The following NANOS1 variants were observed in gnomAD, a reference collection of about 807,000 sequenced individuals.
NANOS1 encodes the protein nanos homolog 1.
Under a neutral mutation model 1.1 loss-of-function variants are expected in NANOS1, and 1 was observed. The observed-to-expected ratio is 0.88, with a 90% CI of 0.31 to 4.20. The LOEUF (loss-of-function observed/expected upper bound fraction) is 4.20, where lower values mean the gene tolerates loss of function less well. Ranked by LOEUF, NANOS1 falls within the 30% of genes most tolerant of loss-of-function variation. The pLI is 0.17. For synonymous variants in NANOS1, 252 were observed against 230.6 expected, an observed-to-expected ratio of 1.09 and a Z score of -0.84; for missense variants, 537 against 457.9, an observed-to-expected ratio of 1.17 and a Z score of -1.58.
At position 119,031,567 on chromosome 10, in the gene NANOS1, C is replaced by T. The variant is rs1848050129; in HGVS notation, c.*887C>T. On this transcript the variant is annotated 3_prime_UTR_variant, in exon 1 of 1. Coordinates refer to ENST00000425699, the MANE Select transcript of NANOS1 (RefSeq NM_199461.4). ...CTTGGCATTTTCTCTACACACTCAC[C>T]CTCTTCCAGTTCTTTAAAAACGTTT... is the stretch of plus-strand genomic sequence containing the variant. The T allele has an allele frequency of 6.0e-6, 1 of 166,930 alleles. No homozygotes were observed. Among genetic ancestry groups the T allele is most frequent in the Non-Finnish European group, 1.5e-5 (1 of 68,122 alleles). The allele number at this position is 166,930 out of a possible 1,614,324, so 10.3% of individuals were successfully genotyped here.
chr10:119,030,655 GC>G lies in NANOS1; in HGVS notation c.857del (p.Pro286ArgfsTer65). 1 of 1,390,046 alleles carries G rather than the reference GC, an allele frequency of 7.2e-7. No homozygotes were observed. The highest frequency in any genetic ancestry group is 1.8e-5 in the South Asian group (1 of 56,350). 86.1% of individuals were successfully genotyped at this position (1,390,046 alleles called of 1,614,324 possible). A position where few individuals can be genotyped will look rare whatever the true frequency, so the allele number is the denominator to read the frequency against. On this transcript the variant is annotated frameshift_variant, in exon 1 of 1. Transcript: ENST00000425699. LOFTEE classifies it high-confidence loss of function. The surrounding 1 kb of genome is among the most constrained non-coding windows in gnomAD (Gnocchi z 5.3). The stretch of plus-strand genomic sequence containing the variant: ...CCGCCGCCCCGCAGCGCCAGGGACG[GC>G]CCGCCTGGCAAGAAGCTGCGCTGAA... Reference protein sequence around the residue: ...ARPPPRSARDGPPGKKLR With the variant: ...ARPPPRSARDXPPGKKLR
In NANOS1 at chr10:119,030,802, T is replaced by C. The variant is rs1848036292; in HGVS notation, c.*122T>C. 1.1e-5 allele frequency: 13 copies of C among 1,215,456 alleles called. No homozygotes were observed. Among genetic ancestry groups the C allele is most frequent in the Middle Eastern group, 6.5e-4 (2 of 3,068 alleles). 75.3% of individuals were successfully genotyped at this position (1,215,456 alleles called of 1,614,324 possible). On this transcript the variant is annotated 3_prime_UTR_variant, in exon 1 of 1. Coordinates refer to ENST00000425699, the MANE Select transcript of NANOS1 (RefSeq NM_199461.4). The surrounding 1 kb of genome is among the most constrained non-coding windows in gnomAD (Gnocchi z 5.3). ...GCGGTCGGCTCGACATGGGACGTCG[T>C]CCTGGTGGTTTTTGAAAAGCAGCCG...
chr10:119,030,464 G>A lies in NANOS1; in HGVS notation c.663G>A (p.Lys221=). The change falls in exon 1 of 1, where the codon AAG becomes AAA. Residue 221 remains lysine (K), a synonymous_variant. Coordinates refer to ENST00000425699, the MANE Select transcript of NANOS1 (RefSeq NM_199461.4). The surrounding 1 kb of genome is among the most constrained non-coding windows in gnomAD (Gnocchi z 5.3). ...TGTGCGTGTTCTGCCGGAACAACAAGGAGGCGATGGCGCTCTACACCACCC... is the reference window on the plus strand; with the variant it reads ...TGTGCGTGTTCTGCCGGAACAACAAAGAGGCGATGGCGCTCTACACCACCC... ...LQVCVFCRNN[K]EAMALYTTHI... 1 of 1,474,754 alleles carries A rather than the reference G, an allele frequency of 6.8e-7. No homozygotes were observed. Among genetic ancestry groups the A allele is most frequent in the Non-Finnish European group, 9.0e-7 (1 of 1,110,250 alleles). 91.4% of individuals were successfully genotyped at this position (1,474,754 alleles called of 1,614,324 possible).
Position 119,030,702 on chromosome 10 carries a change from C to A in NANOS1, c.*22C>A. ...CTGAAGGCCCGGGCTCCCGGCCGCC[C>A]AGGGTCGCCGCCGCCCCTCGCACCG... On this transcript the variant is annotated 3_prime_UTR_variant, in exon 1 of 1. Coordinates refer to ENST00000425699, the MANE Select transcript of NANOS1 (RefSeq NM_199461.4). This position sits in a 1 kb window ranked among gnomAD's most constrained non-coding sequence, Gnocchi z 5.3. The A allele has an allele frequency of 7.8e-7, 1 of 1,277,920 alleles. No individual in the cohort carries two copies. Among genetic ancestry groups the A allele is most frequent in the South Asian group, 3.3e-5 (1 of 30,714 alleles). 79.2% of individuals were successfully genotyped at this position (1,277,920 alleles called of 1,614,324 possible).
At position 119,030,411 on chromosome 10, in the gene NANOS1, GC is replaced by G; in HGVS notation, c.613del (p.Arg205GlyfsTer3). On this transcript the variant is annotated frameshift_variant, in exon 1 of 1. Coordinates refer to ENST00000425699, the MANE Select transcript of NANOS1 (RefSeq NM_199461.4). LOFTEE classifies it low-confidence loss of function (END_TRUNC). The surrounding 1 kb of genome is among the most constrained non-coding windows in gnomAD (Gnocchi z 5.3). The stretch of plus-strand genomic sequence containing the variant: ...GCACGCGGCCTCCGGGGCGGCGGCC[GC>G]CCGGCTGCTGAAGCCCGAGCTGCAG... ...RLHAASGAAA[A>X]RLLKPELQVC... The G allele has an allele frequency of 7.9e-7, 1 of 1,267,768 alleles. No individual in the cohort carries two copies. Among genetic ancestry groups the G allele is most frequent in the Admixed American group, 2.6e-5 (1 of 38,592 alleles). The allele number at this position is 1,267,768 out of a possible 1,614,324, so 78.5% of individuals were successfully genotyped here.
chr10:119,031,307 T>G lies in NANOS1; in HGVS notation c.*627T>G, dbSNP rs1302724407. Reference sequence around the variant, plus strand: ...CGGGTATTCCCCGCTTGTGGCTTGTTTCTGTCCTAGCTGGAGGTGTAAAAT... The same window carrying G: ...CGGGTATTCCCCGCTTGTGGCTTGTGTCTGTCCTAGCTGGAGGTGTAAAAT... On this transcript the variant is annotated 3_prime_UTR_variant, in exon 1 of 1. Coordinates refer to ENST00000425699, the MANE Select transcript of NANOS1 (RefSeq NM_199461.4). 1 of 167,108 alleles carries G rather than the reference T, an allele frequency of 6.0e-6. No homozygotes were observed. Among genetic ancestry groups the G allele is most frequent in the African/African-American group, 2.4e-5 (1 of 41,468 alleles). The allele number at this position is 167,108 out of a possible 1,614,324, so 10.4% of individuals were successfully genotyped here. A position where few individuals can be genotyped will look rare whatever the true frequency, so the allele number is the denominator to read the frequency against.
In NANOS1 at chr10:119,030,097, C is replaced by T; in HGVS notation, c.296C>T (p.Ala99Val). ...GCCGGGCCTGGGGCGCTGGGGCCGGCGCTGGGGCCGCCCGACTACGACGAG... is the reference window on the plus strand; with the variant it reads ...GCCGGGCCTGGGGCGCTGGGGCCGGTGCTGGGGCCGCCCGACTACGACGAG... ...TGAGPGALGP[A>V]LGPPDYDEDD... is the part of the protein sequence containing the mutation. The change falls in exon 1 of 1, where the codon GCG becomes GTG. Residue 99 changes from alanine (A) to valine (V), a missense_variant. Transcript: ENST00000425699. This position sits in a 1 kb window ranked among gnomAD's most constrained non-coding sequence, Gnocchi z 5.3. 1 of 1,317,398 alleles carries T rather than the reference C, an allele frequency of 7.6e-7. No individual in the cohort carries two copies. The highest frequency in any genetic ancestry group is 9.6e-7 in the Non-Finnish European group (1 of 1,038,452). The allele number at this position is 1,317,398 out of a possible 1,614,324, so 81.6% of individuals were successfully genotyped here.
chr10:119,030,497 C>A lies in NANOS1; in HGVS notation c.696C>A (p.Leu232=). The A allele has an allele frequency of 6.6e-7, 1 of 1,514,426 alleles. No homozygotes were observed. The allele number at this position is 1,514,426 out of a possible 1,614,324, so 93.8% of individuals were successfully genotyped here. Residue 232 remains leucine (L), a synonymous_variant, in exon 1 of 1, where the codon CTC becomes CTA. Coordinates refer to ENST00000425699, the MANE Select transcript of NANOS1 (RefSeq NM_199461.4). The surrounding 1 kb of genome is among the most constrained non-coding windows in gnomAD (Gnocchi z 5.3). ...TGGCGCTCTACACCACCCATATCCT[C>A]AAGGGCCCCGACGGGCGAGTGCTGT... ...EAMALYTTHI[L]KGPDGRVLCP...
rs1848034329 is a variant in NANOS1 at position 119,030,705 on chromosome 10, G to T, written c.*25G>T. On this transcript the variant is annotated 3_prime_UTR_variant, in exon 1 of 1. Coordinates refer to ENST00000425699, the MANE Select transcript of NANOS1 (RefSeq NM_199461.4). The surrounding 1 kb of genome is among the most constrained non-coding windows in gnomAD (Gnocchi z 5.3). ...AAGGCCCGGGCTCCCGGCCGCCCAGGGTCGCCGCCGCCCCTCGCACCGCTA... is the reference window on the plus strand; with the variant it reads ...AAGGCCCGGGCTCCCGGCCGCCCAGTGTCGCCGCCGCCCCTCGCACCGCTA... The T allele has an allele frequency of 4.7e-6, 6 of 1,275,278 alleles. No homozygotes were observed. Among genetic ancestry groups the T allele is most frequent in the South Asian group, 3.3e-5 (1 of 30,516 alleles). The allele number at this position is 1,275,278 out of a possible 1,614,324, so 79.0% of individuals were successfully genotyped here. A position where few individuals can be genotyped will look rare whatever the true frequency, so the allele number is the denominator to read the frequency against.
Position 119,033,715 on chromosome 10 carries a change from AATT to A in NANOS1, c.*3038_*3040del, listed in dbSNP as rs1848086460. ...ATTAAACCAAAATTATACATATTAAAATTATATCACAAATATATATGCTTCCAG... is the reference window on the plus strand; with the variant it reads ...ATTAAACCAAAATTATACATATTAAAATATCACAAATATATATGCTTCCAG... On this transcript the variant is annotated 3_prime_UTR_variant, in exon 1 of 1. Transcript: ENST00000425699. 6.0e-6 allele frequency: 1 copy of A among 166,864 alleles called. No individual in the cohort carries two copies. The highest frequency in any genetic ancestry group is 1.5e-5 in the Non-Finnish European group (1 of 68,114). The allele number at this position is 166,864 out of a possible 1,614,324, so 10.3% of individuals were successfully genotyped here.
Position 119,030,466 on chromosome 10 carries a change from A to G in NANOS1, c.665A>G (p.Glu222Gly). The change falls in exon 1 of 1, where the codon GAG (glutamate) becomes GGG (glycine). Residue 222 changes from glutamate to glycine, a missense_variant. Glu to Gly is a moderately conservative substitution (Grantham distance 98). Transcript: ENST00000425699. The surrounding 1 kb of genome is among the most constrained non-coding windows in gnomAD (Gnocchi z 5.3). ...QVCVFCRNNK[E>G]AMALYTTHIL... The stretch of plus-strand genomic sequence containing the variant: ...TGCGTGTTCTGCCGGAACAACAAGG[A>G]GGCGATGGCGCTCTACACCACCCAT... The G allele has an allele frequency of 6.7e-7, 1 of 1,489,598 alleles. No individual in the cohort carries two copies. The highest frequency in any genetic ancestry group is 8.9e-7 in the Non-Finnish European group (1 of 1,119,540). 92.3% of individuals were successfully genotyped at this position (1,489,598 alleles called of 1,614,324 possible).
In NANOS1 at chr10:119,030,745, C is replaced by T; in HGVS notation, c.*65C>T. On this transcript the variant is annotated 3_prime_UTR_variant, in exon 1 of 1. Coordinates refer to ENST00000425699, the MANE Select transcript of NANOS1 (RefSeq NM_199461.4). This position sits in a 1 kb window ranked among gnomAD's most constrained non-coding sequence, Gnocchi z 5.3. Reference sequence around the variant, plus strand: ...TCGCACCGCTAGGTCTGCGCACCATCTCGCCCCCGCCGTGGGGAGGCGTGC... The same window carrying T: ...TCGCACCGCTAGGTCTGCGCACCATTTCGCCCCCGCCGTGGGGAGGCGTGC... The T allele has an allele frequency of 1.6e-6, 2 of 1,245,864 alleles. No individual in the cohort carries two copies. The highest frequency in any genetic ancestry group is 7.5e-5 in the South Asian group (2 of 26,650). The allele number at this position is 1,245,864 out of a possible 1,614,324, so 77.2% of individuals were successfully genotyped here. A position where few individuals can be genotyped will look rare whatever the true frequency, so the allele number is the denominator to read the frequency against.
rs1479659703 is a variant in NANOS1, at chr10:119,030,216, G to A, written c.415G>A (p.Ala139Thr). 1.6e-6 allele frequency: 2 copies of A among 1,286,292 alleles called. No homozygotes were observed. The highest frequency in any genetic ancestry group is 3.1e-5 in the African/African-American group (2 of 64,922). The allele number at this position is 1,286,292 out of a possible 1,614,324, so 79.7% of individuals were successfully genotyped here. Reference protein sequence around the residue: ...LRALELCAGPAEAGLLEERFA... With the variant: ...LRALELCAGPTEAGLLEERFA... ...CGCGCTGGAGCTGTGCGCGGGCCCCGCCGAGGCCGGGCTGCTGGAGGAGCG... is the reference window on the plus strand; with the variant it reads ...CGCGCTGGAGCTGTGCGCGGGCCCCACCGAGGCCGGGCTGCTGGAGGAGCG... The change falls in exon 1 of 1, where the codon GCC (alanine) becomes ACC (threonine). Residue 139 changes from alanine to threonine, a missense_variant. Coordinates refer to ENST00000425699, the MANE Select transcript of NANOS1 (RefSeq NM_199461.4). This position sits in a 1 kb window ranked among gnomAD's most constrained non-coding sequence, Gnocchi z 5.3.
In NANOS1 at chr10:119,029,991, G is replaced by C. The variant is rs1232053597; in HGVS notation, c.190G>C (p.Gly64Arg). The C allele has an allele frequency of 2.8e-6, 4 of 1,415,240 alleles. No homozygotes were observed. The highest frequency in any genetic ancestry group is 1.5e-5 in the African/African-American group (1 of 67,128). The allele number at this position is 1,415,240 out of a possible 1,614,324, so 87.7% of individuals were successfully genotyped here. The change falls in exon 1 of 1, where the codon GGC (glycine) becomes CGC (arginine). Residue 64 changes from glycine to arginine, a missense_variant. By Grantham distance (125) the Gly-to-Arg change is moderately radical. Transcript: ENST00000425699. ...TKAVDGEPRF[G>R]CARGGNGGGG... ...AGCGGTGGACGGCGAGCCGCGCTTC[G>C]GCTGCGCCCGCGGTGGGAACGGCGG...
Position 119,033,198 on chromosome 10 carries a change from A to G in NANOS1, c.*2518A>G, listed in dbSNP as rs1387735166. 1 of 167,122 alleles carries G rather than the reference A, an allele frequency of 6.0e-6. No homozygotes were observed. Among genetic ancestry groups the G allele is most frequent in the African/African-American group, 2.4e-5 (1 of 41,444 alleles). 10.4% of individuals were successfully genotyped at this position (167,122 alleles called of 1,614,324 possible). A position where few individuals can be genotyped will look rare whatever the true frequency, so the allele number is the denominator to read the frequency against. ...GCAACAGAGCGACTCTGTCTCCAAAAAAGAAAAAAAGTACCCCATGTTCAG... is the reference window on the plus strand; with the variant it reads ...GCAACAGAGCGACTCTGTCTCCAAAGAAGAAAAAAAGTACCCCATGTTCAG... On this transcript the variant is annotated 3_prime_UTR_variant, in exon 1 of 1. Transcript: ENST00000425699.
Position 119,029,721 on chromosome 10 carries a change from G to T in NANOS1, c.-81G>T. 2 of 738,440 alleles carry T rather than the reference G, an allele frequency of 2.7e-6. No individual in the cohort carries two copies. The allele number at this position is 738,440 out of a possible 1,614,324, so 45.7% of individuals were successfully genotyped here. A position where few individuals can be genotyped will look rare whatever the true frequency, so the allele number is the denominator to read the frequency against. ...GCGCGGCGGCCCCACCCCGCGGCAG[G>T]CCGGCGGGCAGGCTCGGCGTGTCCC... On this transcript the variant is annotated 5_prime_UTR_variant, in exon 1 of 1. Transcript: ENST00000425699.
Position 119,029,982 on chromosome 10 carries a change from C to A in NANOS1, c.181C>A (p.Pro61Thr). ...TLITKAVDGE[P>T]RFGCARGGNG... ...CATCACCAAAGCGGTGGACGGCGAG[C>A]CGCGCTTCGGCTGCGCCCGCGGTGG... The change falls in exon 1 of 1, where the codon CCG becomes ACG. Residue 61 changes from proline (P) to threonine (T), a missense_variant. Transcript: ENST00000425699. The A allele has an allele frequency of 7.1e-7, 1 of 1,414,380 alleles. No homozygotes were observed. Among genetic ancestry groups the A allele is most frequent in the Non-Finnish European group, 9.2e-7 (1 of 1,084,572 alleles). 87.6% of individuals were successfully genotyped at this position (1,414,380 alleles called of 1,614,324 possible).
Position 119,032,754 on chromosome 10 carries a change from G to A in NANOS1, c.*2074G>A, listed in dbSNP as rs1848069469. On this transcript the variant is annotated 3_prime_UTR_variant, in exon 1 of 1. Transcript: ENST00000425699. ...TATATGGGAGTCACTGTGATGAGATGTGCCTAATGTTAATTTGATATTCTG... is the reference window on the plus strand; with the variant it reads ...TATATGGGAGTCACTGTGATGAGATATGCCTAATGTTAATTTGATATTCTG... 6.1e-6 allele frequency: 1 copy of A among 164,900 alleles called. No homozygotes were observed. The highest frequency in any genetic ancestry group is 2.2e-4 in the South Asian group (1 of 4,586). The allele number at this position is 164,900 out of a possible 1,614,324, so 10.2% of individuals were successfully genotyped here. A position where few individuals can be genotyped will look rare whatever the true frequency, so the allele number is the denominator to read the frequency against.
In NANOS1 at chr10:119,030,148, C is replaced by A; in HGVS notation, c.347C>A (p.Pro116Gln). ...DEDDDDDSDEPGSRGRYLGSA... is the reference protein window; with the variant it reads ...DEDDDDDSDEQGSRGRYLGSA... ...GACGACGACGACGACAGCGACGAGC[C>A]GGGGTCCCGGGGCCGCTACCTGGGG... is the stretch of plus-strand genomic sequence containing the variant. The change falls in exon 1 of 1, where the codon CCG (proline) becomes CAG (glutamine). Residue 116 changes from proline to glutamine, a missense_variant. By Grantham distance (76) the Pro-to-Gln change is moderately conservative. Transcript: ENST00000425699. This position sits in a 1 kb window ranked among gnomAD's most constrained non-coding sequence, Gnocchi z 5.3. 2 of 1,356,658 alleles carry A rather than the reference C, an allele frequency of 1.5e-6. No homozygotes were observed. The highest frequency in any genetic ancestry group is 3.6e-5 in the Admixed American group (1 of 28,002). The allele number at this position is 1,356,658 out of a possible 1,614,324, so 84.0% of individuals were successfully genotyped here.
Sources: allele counts gnomAD v4.1 joint callset, GRCh38; gene constraint gnomAD v4.1.1; non-coding constraint Gnocchi (gnomAD v3.1); transcripts MANE v1.5; gene names NCBI Gene and HGNC (gene_info 2026-07-23, HGNC 2026-07-21).